The following SELENOV variants were observed in gnomAD, a reference collection of about 807,000 sequenced individuals.
SELENOV encodes the protein selenoprotein V.
In SELENOV, 25 loss-of-function variants were observed where a neutral mutation model predicts 21.6. The observed-to-expected ratio is 1.16, with a 90% CI of 0.84 to 1.62. The LOEUF is 1.62. Ranked by LOEUF, SELENOV falls within the 40% of genes most tolerant of loss-of-function variation. The pLI is 0.00. For synonymous variants in SELENOV, 227 were observed against 216.9 expected, an observed-to-expected ratio of 1.05 and a Z score of -0.41; for missense variants, 472 against 459.0, an observed-to-expected ratio of 1.03 and a Z score of -0.26.
intron 1 of SELENOV, chr19:39,518,393 CAG>C (rs1275179665): frequency 4.9e-6 from 3 of 608,290 alleles, no homozygotes; most frequent in South Asian, 2.0e-5. Flanking sequence ...AAGATGGAGA[CAG>C]AGGGGTGAGA....
Position 39,516,088 on chromosome 19 carries a change from G to A in SELENOV, c.809+67G>A, listed in dbSNP as rs2079695833. On this transcript the variant is annotated intron_variant, in intron 1 of 5. Transcript: ENST00000335426. ...GGCCGGCAGTGGGGGCTGGGTCTCC[G>A]GGGACGTGGAGGTCAGGGTTGGGGT... The A allele has an allele frequency of 2.8e-6, 4 of 1,404,784 alleles. No homozygotes were observed. In the East Asian group the frequency reaches 7.5e-5, roughly 26 times the overall value. The allele number at this position is 1,404,784 out of a possible 1,614,324, so 87.0% of individuals were successfully genotyped here. A position where few individuals can be genotyped will look rare whatever the true frequency, so the allele number is the denominator to read the frequency against.
rs374863818 is a variant in SELENOV at position 39,517,991 on chromosome 19, A to AAAAAAAAG, written c.810-617_810-616insAAAAAAAG. Among the ~76,000 whole-genome samples, 50 of 92,082 alleles carry AAAAAAAAG rather than the reference A, an allele frequency of 5.4e-4. 2 individuals carry two copies. The highest frequency in any genetic ancestry group is 8.7e-4 in the African/African-American group (22 of 25,166). 60.4% of individuals were successfully genotyped at this position (92,082 alleles called of 152,430 possible). On this transcript the variant is annotated intron_variant, in intron 1 of 5. Transcript: ENST00000335426. ...AAAAAAAAAAAAAAAAAAAAAAAAA[A>AAAAAAAAG]GCCCAGCGCGGTGGCTCACGCCTGT...
chr19:39,515,483 G>A lies in SELENOV; in HGVS notation c.271G>A (p.Ala91Thr), dbSNP rs775255754. 5.8e-6 allele frequency: 9 copies of A among 1,551,106 alleles called. 1 individual carries two copies. The South Asian group carries it at 1.1e-4, about 18-fold the overall frequency. Residue 91 changes from alanine (A) to threonine (T), a missense_variant, in exon 1 of 6, where the codon GCC becomes ACC. Coordinates refer to ENST00000335426, the Ensembl canonical transcript of SELENOV. The surrounding 1 kb of genome is among the most constrained non-coding windows in gnomAD (Gnocchi z 5.1). ...CCGTCTGGTTCCGCCTCCTGCTCCG[G>A]CCTGGATCCCTACTCCGGTGCCGAC...
chr19:39,519,040 G>T, intron 4 of SELENOV, 31 bp from the exon 5 acceptor site: 2 of 1,613,320 alleles, frequency 1.2e-6, no homozygotes, highest in South Asian at 1.1e-5. Context: ...GGGGGTGGGA[G>T]ACCTGTGTGC....
At chr19:39,517,613 C>A (rs1304698184) in intron 1 of SELENOV, among the ~76,000 whole-genome samples, 4 of 152,054 alleles carry the variant, frequency 2.6e-5, no homozygotes, top group South Asian at 4.2e-4. Flanking sequence ...GTGGGGAGAG[C>A]ATTTGGCTGA....
Position 39,515,273 on chromosome 19 carries a change from G to A in SELENOV, c.61G>A (p.Ala21Thr). 2 of 1,550,956 alleles carry A rather than the reference G, an allele frequency of 1.3e-6. No homozygotes were observed. The highest frequency in any genetic ancestry group is 1.7e-4 in the Middle Eastern group (1 of 5,990). ...GGCGCGGACTTCAACCTCAGTCCGG[G>A]CTTCTACCCCGACCCGGACACCGAC... The change falls in exon 1 of 6, where the codon GCT becomes ACT. Residue 21 changes from alanine to threonine, a missense_variant. Ala to Thr is a moderately conservative substitution (Grantham distance 58, BLOSUM62 0). Transcript: ENST00000335426. The surrounding 1 kb of genome is among the most constrained non-coding windows in gnomAD (Gnocchi z 5.1).
chr19:39,519,129 A>T, exon 5 of SELENOV: 1 of 1,613,840 alleles, frequency 6.2e-7, no homozygotes, highest in Non-Finnish European at 8.5e-7. Context: ...GTTATCGATG[A>T]GGAAATCAAG....
intron 1 of SELENOV, 73 bp from the exon 2 acceptor site, chr19:39,518,535 G>T: frequency 6.8e-7 from 1 of 1,471,202 alleles, no homozygotes; most frequent in Non-Finnish European, 9.3e-7. Flanking sequence ...GGTGCCCTGA[G>T]CTGGGGAAGA....
chr19:39,518,833 G>A, intron 3 of SELENOV, 40 bp downstream of exon 3: 1 of 1,612,952 alleles, frequency 6.2e-7, no homozygotes, highest in Non-Finnish European at 8.5e-7. Context: ...GGGGTGGTCA[G>A]GGATCTGAGA....
At chr19:39,519,695 A>G (rs1474817587) in intron 5 of SELENOV, among the ~76,000 whole-genome samples, 2 of 149,966 alleles carry the variant, frequency 1.3e-5, no homozygotes, top group East Asian at 3.9e-4. Flanking sequence ...GCCGGGCGGG[A>G]TGGCTCACCC....
rs1453917454 is a variant in SELENOV, at chr19:39,515,992, C to CA, written c.782dup (p.Arg262GlufsTer15). ...CCTCCAGCGAGAACTTCGCGCTGGA[C>CA]AAGAGGGTCCTGATTCGAGTGACCT... On this transcript the variant is annotated frameshift_variant, in exon 1 of 6. Transcript: ENST00000335426. LOFTEE classifies it high-confidence loss of function. The surrounding 1 kb of genome is among the most constrained non-coding windows in gnomAD (Gnocchi z 5.1). 2.5e-6 allele frequency: 4 copies of CA among 1,600,330 alleles called. No individual in the cohort carries two copies. In the African/African-American group the frequency reaches 5.4e-5, roughly 21 times the overall value.
rs757750333 is a variant in SELENOV, at chr19:39,519,050, C to G, written c.964-21C>G. ...GTCCTGGGGGTGGGAGACCTGTGTG[C>G]TTTCTTCCCTCTGTGCCCAGAGGGG... On this transcript the variant is annotated intron_variant, in intron 4 of 5. Transcript: ENST00000335426. 40 of 1,613,378 alleles carry G rather than the reference C, an allele frequency of 2.5e-5. No homozygotes were observed. In the Admixed American group the frequency reaches 4.3e-4, roughly 17 times the overall value.
Position 39,515,558 on chromosome 19 carries a change from C to G in SELENOV, c.346C>G (p.Leu116Val), listed in dbSNP as rs1385637746. The G allele has an allele frequency of 6.5e-7, 1 of 1,549,846 alleles. No homozygotes were observed. The highest frequency in any genetic ancestry group is 8.7e-7 in the Non-Finnish European group (1 of 1,146,914). ...TCCGGTCCCGACTCCGGCTCGGACC[C>G]TGACTCCTCCAGTCCGGGTCCCAGC... The change falls in exon 1 of 6, where the codon CTG becomes GTG. Residue 116 changes from leucine to valine, a missense_variant. Coordinates refer to ENST00000335426, the Ensembl canonical transcript of SELENOV. This position sits in a 1 kb window ranked among gnomAD's most constrained non-coding sequence, Gnocchi z 5.1.
Position 39,515,967 on chromosome 19 carries a change from C to A in SELENOV, c.755C>A (p.Ser252Tyr). Reference sequence around the variant, plus strand: ...CAGAATTGTACGGAAACCTTCCCCTCCTCCAGCGAGAACTTCGCGCTGGAC... The same window carrying A: ...CAGAATTGTACGGAAACCTTCCCCTACTCCAGCGAGAACTTCGCGCTGGAC... The change falls in exon 1 of 6, where the codon TCC becomes TAC. Residue 252 changes from serine (S) to tyrosine (Y), a missense_variant. Coordinates refer to ENST00000335426, the Ensembl canonical transcript of SELENOV. The surrounding 1 kb of genome is among the most constrained non-coding windows in gnomAD (Gnocchi z 5.1). 6.2e-7 allele frequency: 1 copy of A among 1,607,962 alleles called. No homozygotes were observed. Among genetic ancestry groups the A allele is most frequent in the East Asian group, 2.2e-5 (1 of 44,724 alleles).
intron 1 of SELENOV, 119 bp from the exon 2 acceptor site, chr19:39,518,489 C>G (rs1275894862): frequency 6.9e-6 from 7 of 1,012,994 alleles, no homozygotes; most frequent in Non-Finnish European, 1.1e-5. Flanking sequence ...GGATTCTGAA[C>G]AGGGGAGGAA....
rs1408722092 is a variant in SELENOV at position 39,515,668 on chromosome 19, T to C, written c.456T>C (p.Asp152=). Residue 152 remains aspartate (D), a synonymous_variant, in exon 1 of 6, where the codon GAT becomes GAC. Coordinates refer to ENST00000335426, the Ensembl canonical transcript of SELENOV. This position sits in a 1 kb window ranked among gnomAD's most constrained non-coding sequence, Gnocchi z 5.1. ...ACCTGGCCCCGGCCCTACCTTTGGA[T>C]CCGCCCCCGGAACCTGCTCCGGAGC... The C allele has an allele frequency of 3.6e-5, 55 of 1,548,464 alleles. No homozygotes were observed. Among genetic ancestry groups the C allele is most frequent in the Non-Finnish European group, 4.4e-5 (51 of 1,146,816 alleles).
At position 39,515,933 on chromosome 19, in the gene SELENOV, A is replaced by G. The variant is rs2079694732; in HGVS notation, c.721A>G (p.Ile241Val). The change falls in exon 1 of 6, where the codon ATC (isoleucine) becomes GTC (valine). Residue 241 changes from isoleucine to valine, a missense_variant. By Grantham distance (29) the Ile-to-Val change is conservative. Transcript: ENST00000335426. This position sits in a 1 kb window ranked among gnomAD's most constrained non-coding sequence, Gnocchi z 5.1. Reference sequence around the variant, plus strand: ...CATCCTGGGGACCATCCCGTCGGCCATCTCCTTACAGAATTGTACGGAAAC... The same window carrying G: ...CATCCTGGGGACCATCCCGTCGGCCGTCTCCTTACAGAATTGTACGGAAAC... 1 of 1,606,438 alleles carries G rather than the reference A, an allele frequency of 6.2e-7. No homozygotes were observed. The highest frequency in any genetic ancestry group is 1.3e-5 in the African/African-American group (1 of 74,766).
At chr19:39,517,754 A>T (rs544507057) in intron 1 of SELENOV, among the ~76,000 whole-genome samples, 1 of 151,946 alleles carries the variant, frequency 6.6e-6, no homozygotes, top group East Asian at 1.9e-4. Context: ...CAGGTGTTGA[A>T]GACCAGCCTG....
chr19:39,519,691 C>A (rs961525245), intron 5 of SELENOV, among the ~76,000 whole-genome samples: 2 of 149,378 alleles, frequency 1.3e-5, no homozygotes, highest in Admixed American at 6.7e-5. Flanking sequence ...AAGTGCCGGG[C>A]GGGATGGCTC....
Sources: allele counts gnomAD v4.1 joint callset (sites outside exome capture counted in the v4.1 genomes callset), GRCh38; gene constraint gnomAD v4.1.1; non-coding constraint Gnocchi (gnomAD v3.1); transcripts MANE v1.5; gene names NCBI Gene and HGNC (gene_info 2026-07-23, HGNC 2026-07-21).